MSH4: variants seen among roughly 807,000 people sequenced by gnomAD.
The protein encoded by MSH4 is mutS homolog 4.
In MSH4, 106 loss-of-function variants were observed where a neutral mutation model predicts 113.7. The ratio of observed to expected loss-of-function variants is 0.93; its 90% CI spans 0.80 to 1.10. The LOEUF (loss-of-function observed/expected upper bound fraction) is 1.10, where lower values mean the gene tolerates loss of function less well. MSH4 is among the 50% of genes least tolerant of loss of function. The pLI, the probability that MSH4 is intolerant of heterozygous loss-of-function variation, is 0.00. For missense variants in MSH4, 1,061 were observed against 1,093.7 expected (o/e 0.97, Z 0.42); for synonymous variants, 368 against 380.2 (o/e 0.97, Z 0.37).
chr1:75,817,158 A>T (rs1650310642), intron 6 of MSH4, among the ~76,000 whole-genome samples: 1 of 152,206 alleles, frequency 6.6e-6, no homozygotes, highest in South Asian at 2.1e-4. Flanking sequence ...GTTTCACCAA[A>T]ATCAAGTTTT....
At chr1:75,814,164 A>G (rs1570944074) in intron 4 of MSH4, among the ~76,000 whole-genome samples, 1 of 151,632 alleles carries the variant, frequency 6.6e-6, no homozygotes, top group Non-Finnish European at 1.5e-5. Flanking sequence ...TAAAAGTTCC[A>G]TTATCAACCG....
chr1:75,855,729 A>G lies in MSH4; in HGVS notation c.1230+7453A>G, dbSNP rs574436972. Among the ~76,000 whole-genome samples the G allele has an allele frequency of 1.4e-4, 21 of 152,312 alleles. No homozygotes were observed. The South Asian group carries it at 4.1e-3, about 30-fold the overall frequency. ...TTGGACTAGGGGCCTACCCCACTCC[A>G]GTATTACATCATTGTAACAATTACT... On this transcript the variant is annotated intron_variant, in intron 8 of 19. Coordinates refer to ENST00000263187, the MANE Select transcript of MSH4 (RefSeq NM_002440.4).
chr1:75,822,597 T>A lies in MSH4; in HGVS notation c.1162+16T>A. The A allele has an allele frequency of 2.3e-6, 3 of 1,284,504 alleles. No individual in the cohort carries two copies. Among genetic ancestry groups the A allele is most frequent in the Non-Finnish European group, 3.1e-6 (3 of 953,120 alleles). 79.6% of individuals were successfully genotyped at this position (1,284,504 alleles called of 1,614,324 possible). ...CTTCAATCAGGTAAATCAATATTATTTAATATTATAAATACAAATTATTGA... is the reference window on the plus strand; with the variant it reads ...CTTCAATCAGGTAAATCAATATTATATAATATTATAAATACAAATTATTGA... On this transcript the variant is annotated intron_variant, in intron 7 of 19. Transcript: ENST00000263187.
chr1:75,910,911 A>G lies in MSH4; in HGVS notation c.2620-1785A>G, dbSNP rs1652774186. ...ATGCAGTAAGTTCTCTCTCTCTCTC[A>G]ATCTATTTATATACACTTCTACCAG... On this transcript the variant is annotated intron_variant, in intron 19 of 19. Coordinates refer to ENST00000263187, the MANE Select transcript of MSH4 (RefSeq NM_002440.4). Among the ~76,000 whole-genome samples, 4 of 151,836 alleles carry G rather than the reference A, an allele frequency of 2.6e-5. No homozygotes were observed. In the South Asian group the frequency reaches 8.3e-4, roughly 32 times the overall value.
chr1:75,873,717 C>A (rs1362768734), intron 9 of MSH4, among the ~76,000 whole-genome samples: 1 of 151,966 alleles, frequency 6.6e-6, no homozygotes, highest in Non-Finnish European at 1.5e-5. Context: ...CCAGCTCCAT[C>A]CATGTCCCTG....
chr1:75,835,718 C>T (rs536850153), intron 7 of MSH4, among the ~76,000 whole-genome samples: 1 of 152,288 alleles, frequency 6.6e-6, no homozygotes, highest in East Asian at 1.9e-4. Context: ...TCTCCCTGGA[C>T]TTCATCTTTT....
intron 6 of MSH4, among the ~76,000 whole-genome samples, chr1:75,817,010 G>A (rs967206824): frequency 3.3e-5 from 5 of 152,112 alleles, no homozygotes; most frequent in African/African-American, 1.2e-4. Flanking sequence ...TCAAACTCCT[G>A]GGCTCAAATG....
At chr1:75,803,109 G>A (rs1247077771) in intron 1 of MSH4, among the ~76,000 whole-genome samples, 1 of 152,142 alleles carries the variant, frequency 6.6e-6, no homozygotes, top group African/African-American at 2.4e-5. Context: ...AAATTTCAAT[G>A]TAAGTTTCAG....
intron 15 of MSH4, among the ~76,000 whole-genome samples, chr1:75,886,941 C>A (rs1456039257): frequency 1.3e-5 from 2 of 150,642 alleles, no homozygotes; most frequent in African/African-American, 4.9e-5. Flanking sequence ...TCTCTGAGGG[C>A]AGGACCCATG....
intron 8 of MSH4, among the ~76,000 whole-genome samples, chr1:75,849,243 T>A (rs1227091923): frequency 6.6e-6 from 1 of 152,316 alleles, no homozygotes; most frequent in East Asian, 1.9e-4. Context: ...AGTCTTTAAA[T>A]ATTCTTAACC....
chr1:75,818,304 A>C (rs1650333376), intron 6 of MSH4, among the ~76,000 whole-genome samples: 1 of 151,974 alleles, frequency 6.6e-6, no homozygotes, highest in African/African-American at 2.4e-5. Flanking sequence ...CAACTTCTTC[A>C]TTCATCTCTC....
intron 3 of MSH4, among the ~76,000 whole-genome samples, chr1:75,808,133 A>G (rs1650108247): frequency 6.6e-6 from 1 of 152,204 alleles, no homozygotes; most frequent in Admixed American, 6.5e-5. Context: ...CTCTTCAGGC[A>G]ACTGTGTATG....
At chr1:75,828,744 C>T (rs1042059830) in intron 7 of MSH4, among the ~76,000 whole-genome samples, 1 of 152,158 alleles carries the variant, frequency 6.6e-6, no homozygotes, top group Non-Finnish European at 1.5e-5. Flanking sequence ...GCCCAAACTT[C>T]AGCATCAAAC....
intron 6 of MSH4, 101 bp downstream of exon 6, chr1:75,816,647 A>C: frequency 1.4e-6 from 1 of 736,734 alleles, no homozygotes. Context: ...AAATTTTGAG[A>C]TGGAGTTTTG....
chr1:75,828,200 T>C (rs756786017), intron 7 of MSH4, among the ~76,000 whole-genome samples: 1 of 152,206 alleles, frequency 6.6e-6, no homozygotes, highest in Non-Finnish European at 1.5e-5. Flanking sequence ...TGCTCATACA[T>C]TGTTCTTAGG....
At chr1:75,854,381 TC>T (rs1651270426) in intron 8 of MSH4, among the ~76,000 whole-genome samples, 1 of 152,112 alleles carries the variant, frequency 6.6e-6, no homozygotes, top group Non-Finnish European at 1.5e-5. Flanking sequence ...GAAATCCTTC[TC>T]ACCTCTCTCA....
intron 15 of MSH4, 38 bp downstream of exon 15, chr1:75,883,859 C>G: frequency 6.4e-7 from 1 of 1,551,562 alleles, no homozygotes; most frequent in Non-Finnish European, 8.8e-7. Flanking sequence ...CAGTTTTACA[C>G]TCTTTTCAGA....
Position 75,878,334 on chromosome 1 carries a change from G to C in MSH4, c.1540+16G>C. ...GACATAGCAGGTAATTTCTTTATTT[G>C]ATAATGTTTTTTGTAGGGATAAAAC... is the stretch of plus-strand genomic sequence containing the variant. On this transcript the variant is annotated intron_variant, in intron 11 of 19. Coordinates refer to ENST00000263187, the MANE Select transcript of MSH4 (RefSeq NM_002440.4). 1 of 1,559,262 alleles carries C rather than the reference G, an allele frequency of 6.4e-7. No individual in the cohort carries two copies. Among genetic ancestry groups the C allele is most frequent in the Non-Finnish European group, 8.6e-7 (1 of 1,158,742 alleles).
At chr1:75,861,523 T>G (rs1438889436) in intron 8 of MSH4, among the ~76,000 whole-genome samples, 1 of 152,204 alleles carries the variant, frequency 6.6e-6, no homozygotes, top group East Asian at 1.9e-4. Context: ...GACAGGCCAC[T>G]CAGCTGCAGG....
Sources: allele counts gnomAD v4.1 joint callset (sites outside exome capture counted in the v4.1 genomes callset), GRCh38; gene constraint gnomAD v4.1.1; transcripts MANE v1.5; gene names NCBI Gene and HGNC (gene_info 2026-07-23, HGNC 2026-07-21).